The following RNF168 variants were observed in gnomAD, a reference collection of about 807,000 sequenced individuals.
RNF168 encodes the protein ring finger protein 168.
RNF168 carries 34 observed loss-of-function variants against 34.9 expected under a neutral mutation model. The ratio of observed to expected loss-of-function variants is 0.97; its 90% CI spans 0.74 to 1.30. The LOEUF is 1.30. RNF168 is among the 50% of genes most tolerant of loss of function. The probability of loss-of-function intolerance (pLI) is 0.00; values close to 1 mark genes in which losing one functional copy is unlikely to be tolerated. For missense variants in RNF168, 725 were observed against 682.5 expected, an observed-to-expected ratio of 1.06 and a Z score of -0.69; for synonymous variants, 264 against 254.7, an observed-to-expected ratio of 1.04 and a Z score of -0.35.
intron 1 of RNF168, among the ~76,000 whole-genome samples, chr3:196,491,579 G>T (rs1732598595): frequency 6.6e-6 from 1 of 151,988 alleles, no homozygotes; most frequent in Non-Finnish European, 1.5e-5. Context: ...CCGGGAGGCG[G>T]AGCTTGCAGT....
rs1266996080 is a variant in RNF168, at chr3:196,469,813, C to T, written c.*2006G>A. 6.6e-6 allele frequency: 1 copy of T among 152,204 alleles called. No individual in the cohort carries two copies. The highest frequency in any genetic ancestry group is 1.5e-5 in the Non-Finnish European group (1 of 68,034). 9.4% of individuals were successfully genotyped at this position (152,204 alleles called of 1,614,324 possible). On this transcript the variant is annotated 3_prime_UTR_variant, in exon 6 of 6. Coordinates refer to ENST00000318037, the MANE Select transcript of RNF168 (RefSeq NM_152617.4). ...CGTGGTTATGTTTCAGGTTCCACAA[C>T]ATAAGACACTGTGAGGTAACTCTCC...
At chr3:196,495,690 AC>A (rs976766512) in intron 1 of RNF168, among the ~76,000 whole-genome samples, 6 of 152,148 alleles carry the variant, frequency 3.9e-5, no homozygotes, top group African/African-American at 1.4e-4. Context: ...TGTATCCTTC[AC>A]CCTTTGTAAT....
chr3:196,494,454 T>C (rs1237403075), intron 1 of RNF168, among the ~76,000 whole-genome samples: 2 of 152,206 alleles, frequency 1.3e-5, no homozygotes, highest in African/African-American at 2.4e-5. Context: ...CCTGAATGTA[T>C]AATACTGGAT....
intron 1 of RNF168, among the ~76,000 whole-genome samples, chr3:196,493,758 C>T (rs1169669597): frequency 6.6e-6 from 1 of 151,548 alleles, no homozygotes; most frequent in Non-Finnish European, 1.5e-5. Flanking sequence ...GAACTCCTGA[C>T]CTCAGGTGAT....
At chr3:196,479,351 C>T (rs2108646919) in intron 4 of RNF168, among the ~76,000 whole-genome samples, 1 of 151,930 alleles carries the variant, frequency 6.6e-6, no homozygotes, top group East Asian at 1.9e-4. Context: ...GTCACCAAGG[C>T]TGAAGTGCAG....
At chr3:196,484,389 T>C (rs1236278925) in intron 3 of RNF168, among the ~76,000 whole-genome samples, 1 of 151,420 alleles carries the variant, frequency 6.6e-6, no homozygotes, top group East Asian at 1.9e-4. Flanking sequence ...TTAGCCAGGA[T>C]GGTCTCGATT....
At chr3:196,485,478 G>C (rs563004200) in intron 3 of RNF168, among the ~76,000 whole-genome samples, 2 of 137,532 alleles carry the variant, frequency 1.5e-5, no homozygotes, top group African/African-American at 5.8e-5. Flanking sequence ...GACAGAGTGA[G>C]ACTCTTGTCT....
At chr3:196,501,080 G>C (rs1252686038) in intron 1 of RNF168, among the ~76,000 whole-genome samples, 1 of 152,224 alleles carries the variant, frequency 6.6e-6, no homozygotes, top group East Asian at 1.9e-4. Flanking sequence ...AAAATAACAA[G>C]TGTTGGTGAG....
rs530091786 is a variant in RNF168 at position 196,495,036 on chromosome 3, CAT to C, written c.302-6355_302-6354del. Among the ~76,000 whole-genome samples, 111 of 152,198 alleles carry C rather than the reference CAT, an allele frequency of 7.3e-4. 1 individual carries two copies. The highest frequency in any genetic ancestry group is 2.6e-3 in the African/African-American group (109 of 41,524). On this transcript the variant is annotated intron_variant, in intron 1 of 5. Transcript: ENST00000318037. ...AGACCCTGTCTCGAAAATAAAATAACATAAACTAAATTTGCACTTTCTGCCTC... is the reference window on the plus strand; with the variant it reads ...AGACCCTGTCTCGAAAATAAAATAACAAACTAAATTTGCACTTTCTGCCTC...
chr3:196,502,747 A>T, intron 1 of RNF168, 126 bp downstream of exon 1: 1 of 825,812 alleles, frequency 1.2e-6, no homozygotes. Context: ...CTAACCTCTG[A>T]GAACTATTTA....
In RNF168 at chr3:196,503,313, A is replaced by C. The variant is rs913902920; in HGVS notation, c.-140T>G. On this transcript the variant is annotated 5_prime_UTR_variant, in exon 1 of 6. Coordinates refer to ENST00000318037, the MANE Select transcript of RNF168 (RefSeq NM_152617.4). The stretch of plus-strand genomic sequence containing the variant: ...AGCGTATCAGAATTCGGAGAACAGG[A>C]GCATCCAACACGTCTTGAAGCAAAA... 4 of 769,646 alleles carry C rather than the reference A, an allele frequency of 5.2e-6. No homozygotes were observed. The highest frequency in any genetic ancestry group is 1.7e-5 in the African/African-American group (1 of 57,764). The allele number at this position is 769,646 out of a possible 1,614,324, so 47.7% of individuals were successfully genotyped here.
Position 196,475,652 on chromosome 3 carries a change from G to A in RNF168, c.681-340C>T, listed in dbSNP as rs554433160. 4.1e-5 allele frequency among the ~76,000 whole-genome samples: 6 copies of A among 147,584 alleles called. No homozygotes were observed. The East Asian group carries it at 7.9e-4, about 19-fold the overall frequency. On this transcript the variant is annotated intron_variant, in intron 4 of 5. Coordinates refer to ENST00000318037, the MANE Select transcript of RNF168 (RefSeq NM_152617.4). ...TGCAAGCTCCGCCTCCCGAGTTCAC[G>A]CCATTCTCCTGCCTCAGCCTCCCAA...
intron 1 of RNF168, among the ~76,000 whole-genome samples, chr3:196,497,018 T>C (rs1413583441): frequency 6.6e-6 from 1 of 152,000 alleles, no homozygotes; most frequent in African/African-American, 2.4e-5. Context: ...TGGTGGTACA[T>C]GCCTGTAATC....
rs139164628 is a variant in RNF168, at chr3:196,471,275, C to T, written c.*544G>A. ...AATATGAATCCAAATTTTGAAACTC[C>T]GTCTAAAAAAAAAAAACAAACACCA... On this transcript the variant is annotated 3_prime_UTR_variant, in exon 6 of 6. Transcript: ENST00000318037. 19 of 145,146 alleles carry T rather than the reference C, an allele frequency of 1.3e-4. No homozygotes were observed. The highest frequency in any genetic ancestry group is 9.0e-4 in the Admixed American group (13 of 14,432). 9.0% of individuals were successfully genotyped at this position (145,146 alleles called of 1,614,324 possible).
chr3:196,482,194 G>A (rs991807294), intron 4 of RNF168, among the ~76,000 whole-genome samples: 1 of 151,992 alleles, frequency 6.6e-6, no homozygotes, highest in African/African-American at 2.4e-5. Context: ...TTTCAGTTCT[G>A]TATTTCCAAC....
intron 1 of RNF168, among the ~76,000 whole-genome samples, chr3:196,501,280 T>C (rs998589007): frequency 5.3e-5 from 8 of 152,156 alleles, no homozygotes; most frequent in Non-Finnish European, 7.4e-5. Flanking sequence ...GGTACATAAA[T>C]GTTCGTATCG....
chr3:196,484,466 G>C lies in RNF168; in HGVS notation c.559-575C>G, dbSNP rs1229262118. Among the ~76,000 whole-genome samples, 116 of 133,778 alleles carry C rather than the reference G, an allele frequency of 8.7e-4. 1 individual carries two copies. Among genetic ancestry groups the C allele is most frequent in the Non-Finnish European group, 1.6e-3 (104 of 64,420 alleles). 87.8% of individuals were successfully genotyped at this position (133,778 alleles called of 152,430 possible). The stretch of plus-strand genomic sequence containing the variant: ...TGGGATTACAGGCATGAGGCACCGC[G>C]CCCGGCCTTTTTTTTTTTTTTTTTT... On this transcript the variant is annotated intron_variant, in intron 3 of 5. Transcript: ENST00000318037.
In RNF168 at chr3:196,471,965, T is replaced by C; in HGVS notation, c.1570A>G (p.Lys524Glu). ...TTAACTGACTGCTTCAACTGCATCT[T>C]TAAAGACACTTGCCTATTTTTGTCC... ...SRDKNRQVSLKMQLKQSVNRR... is the reference protein window; with the variant it reads ...SRDKNRQVSLEMQLKQSVNRR... Residue 524 changes from lysine (K) to glutamate (E), a missense_variant, in exon 6 of 6, where the codon AAG (lysine) becomes GAG (glutamate). By Grantham distance (56) the Lys-to-Glu change is moderately conservative (BLOSUM62 1). Coordinates refer to ENST00000318037, the MANE Select transcript of RNF168 (RefSeq NM_152617.4). 1 of 1,614,214 alleles carries C rather than the reference T, an allele frequency of 6.2e-7. No homozygotes were observed. The highest frequency in any genetic ancestry group is 1.3e-5 in the African/African-American group (1 of 75,070).
Position 196,488,692 on chromosome 3 carries a change from T to A in RNF168, c.302-9A>T, listed in dbSNP as rs377631557. On this transcript the variant is annotated splice_polypyrimidine_tract_variant and intron_variant, in intron 1 of 5. Coordinates refer to ENST00000318037, the MANE Select transcript of RNF168 (RefSeq NM_152617.4). ...TGGCTGATAGTCATCAGCTATTTCATATCAAAAAAGAAAATAACATTATAG... is the reference window on the plus strand; with the variant it reads ...TGGCTGATAGTCATCAGCTATTTCAAATCAAAAAAGAAAATAACATTATAG... 5.1e-6 allele frequency: 8 copies of A among 1,574,726 alleles called. No homozygotes were observed. The highest frequency in any genetic ancestry group is 7.0e-6 in the Non-Finnish European group (8 of 1,145,202).
Sources: allele counts gnomAD v4.1 joint callset (sites outside exome capture counted in the v4.1 genomes callset), GRCh38; gene constraint gnomAD v4.1.1; transcripts MANE v1.5; gene names NCBI Gene and HGNC (gene_info 2026-07-23, HGNC 2026-07-21).